PGBD5: variants seen among roughly 807,000 people sequenced by gnomAD.
PGBD5 encodes piggyBac transposable element-derived protein 5.
A neutral mutation model predicts 47.9 loss-of-function variants in PGBD5; 14 were observed. The ratio of observed to expected loss-of-function variants is 0.29; its 90% CI spans 0.19 to 0.46. The LOEUF is 0.46. PGBD5 is among the 20% of genes least tolerant of loss of function. The pLI is 1.00. For missense variants in PGBD5, 635 were observed against 716.0 expected, an observed-to-expected ratio of 0.89 and a Z score of 1.29; for synonymous variants, 316 against 306.3, an observed-to-expected ratio of 1.03 and a Z score of -0.33.
At position 230,405,441 on chromosome 1, in the gene PGBD5, A is replaced by G. The variant is rs73102046; in HGVS notation, c.331+20157T>C. Among the ~76,000 whole-genome samples, 506 of 152,326 alleles carry G rather than the reference A, an allele frequency of 3.3e-3. 6 individuals carry two copies. Among genetic ancestry groups the G allele is most frequent in the African/African-American group, 0.011 (469 of 41,564 alleles). On this transcript the variant is annotated intron_variant, in intron 1 of 6. Transcript: ENST00000391860. Reference sequence around the variant, plus strand: ...TTTCTCTTTCTTATGATTTTTCTTCATAATATTTTTTTCTCTAGCTTATTT... The same window carrying G: ...TTTCTCTTTCTTATGATTTTTCTTCGTAATATTTTTTTCTCTAGCTTATTT...
rs770968033 is a variant in PGBD5, at chr1:230,323,998, C to T, written c.1380-378G>A. On this transcript the variant is annotated intron_variant, in intron 6 of 6. Transcript: ENST00000391860. This position sits in a 1 kb window ranked among gnomAD's most constrained non-coding sequence, Gnocchi z 4.1. ...CTCTGTACGTGCTGTGCAGCTGACA[C>T]TCCCCCAAGGCCAAGCTCTTCCTCA... Among the ~76,000 whole-genome samples, 57 of 152,362 alleles carry T rather than the reference C, an allele frequency of 3.7e-4. No individual in the cohort carries two copies. The highest frequency in any genetic ancestry group is 6.5e-4 in the Non-Finnish European group (44 of 68,040).
intron 3 of PGBD5, among the ~76,000 whole-genome samples, chr1:230,342,286 C>T (rs923860577): frequency 6.6e-6 from 1 of 152,318 alleles, no homozygotes; most frequent in East Asian, 1.9e-4. Flanking sequence ...CTATACTGGT[C>T]TTGACCAATG....
At chr1:230,345,733 C>T (rs945942972) in intron 3 of PGBD5, among the ~76,000 whole-genome samples, 1 of 152,060 alleles carries the variant, frequency 6.6e-6, no homozygotes, top group African/African-American at 2.4e-5. Context: ...CCCAGTCAGC[C>T]AGGCGATCAC....
Position 230,351,055 on chromosome 1 carries a change from A to T in PGBD5, c.797T>A (p.Phe266Tyr). ...HEPLIDEDPV[F>Y]IATCTERELR... is the part of the protein sequence containing the mutation. ...CTCCCGCTCTGTGCACGTGGCAATG[A>T]ATACAGGATCCTCATCGATCAGGGG... Residue 266 changes from phenylalanine to tyrosine, a missense_variant, in exon 3 of 7, where the codon TTC becomes TAC. By Grantham distance (22) the Phe-to-Tyr change is conservative. Coordinates refer to ENST00000391860, the MANE Select transcript of PGBD5 (RefSeq NM_001258311.2). The T allele has an allele frequency of 6.2e-7, 1 of 1,613,926 alleles. No individual in the cohort carries two copies. Among genetic ancestry groups the T allele is most frequent in the East Asian group, 2.2e-5 (1 of 44,848 alleles).
intron 1 of PGBD5, among the ~76,000 whole-genome samples, chr1:230,412,223 AG>A (rs1375375053): frequency 5.3e-5 from 8 of 152,210 alleles, no homozygotes; most frequent in Non-Finnish European, 1.0e-4. Flanking sequence ...TGAACAATGC[AG>A]GGGTTAAGGG....
intron 1 of PGBD5, among the ~76,000 whole-genome samples, chr1:230,372,211 C>T (rs186477356): frequency 1.4e-3 from 219 of 152,342 alleles, no homozygotes; most frequent in Non-Finnish European, 5.3e-4. Context: ...TGCAGCTCAG[C>T]TTTCACTTTC....
At chr1:230,414,644 A>G (rs1008146932) in intron 1 of PGBD5, among the ~76,000 whole-genome samples, 1 of 152,210 alleles carries the variant, frequency 6.6e-6, no homozygotes, top group Admixed American at 6.5e-5. Flanking sequence ...AAGATGCCAC[A>G]GGCTGTGCTC....
intron 1 of PGBD5, among the ~76,000 whole-genome samples, chr1:230,369,214 G>A (rs1460321274): frequency 6.6e-6 from 1 of 152,240 alleles, no homozygotes; most frequent in Non-Finnish European, 1.5e-5. Flanking sequence ...GAGACCTGAA[G>A]ACTTCCACCC....
intron 1 of PGBD5, among the ~76,000 whole-genome samples, chr1:230,422,161 A>T (rs1054725589): frequency 2.0e-5 from 3 of 152,006 alleles, no homozygotes; most frequent in Non-Finnish European, 2.9e-5. Context: ...ATGAAGTCTA[A>T]CCTCTAATAG....
At chr1:230,389,781 G>T (rs969988308) in intron 1 of PGBD5, among the ~76,000 whole-genome samples, 2 of 152,216 alleles carry the variant, frequency 1.3e-5, no homozygotes, top group African/African-American at 4.8e-5. Context: ...TTAGCCTTAT[G>T]CCAACTGGTC....
rs1307721272 is a variant in PGBD5 at position 230,316,221 on chromosome 1, T to C, written c.*7204A>G. 1 of 152,678 alleles carries C rather than the reference T, an allele frequency of 6.5e-6. No individual in the cohort carries two copies. Among genetic ancestry groups the C allele is most frequent in the African/African-American group, 2.4e-5 (1 of 41,338 alleles). The allele number at this position is 152,678 out of a possible 1,614,324, so 9.5% of individuals were successfully genotyped here. A position where few individuals can be genotyped will look rare whatever the true frequency, so the allele number is the denominator to read the frequency against. On this transcript the variant is annotated 3_prime_UTR_variant, in exon 7 of 7. Coordinates refer to ENST00000391860, the MANE Select transcript of PGBD5 (RefSeq NM_001258311.2). ...ATACATACATATGTACACATGTGTA[T>C]ATGTGTATACGTACATATGTGTATA...
chr1:230,328,388 T>C (rs1390945577), intron 5 of PGBD5, among the ~76,000 whole-genome samples: 4 of 152,146 alleles, frequency 2.6e-5, no homozygotes, highest in Non-Finnish European at 5.9e-5. Flanking sequence ...CAGATCACCC[T>C]CCTCTCCCTA....
intron 1 of PGBD5, among the ~76,000 whole-genome samples, chr1:230,407,897 G>A (rs1459220464): frequency 6.6e-6 from 1 of 152,132 alleles, no homozygotes; most frequent in Non-Finnish European, 1.5e-5. Flanking sequence ...GTGAACCAAG[G>A]ATTTGTTCAT....
chr1:230,375,293 G>GT (rs1177555930), intron 1 of PGBD5, among the ~76,000 whole-genome samples: 1 of 152,176 alleles, frequency 6.6e-6, no homozygotes, highest in Non-Finnish European at 1.5e-5. Context: ...GTAACACAGG[G>GT]TATGGCCTGT....
intron 1 of PGBD5, among the ~76,000 whole-genome samples, chr1:230,360,596 C>T (rs552366926): frequency 6.6e-6 from 1 of 152,244 alleles, no homozygotes; most frequent in South Asian, 2.1e-4. Flanking sequence ...CTGGCATTTC[C>T]CCTGCTTGCA....
At chr1:230,378,202 T>C (rs974049303) in intron 1 of PGBD5, among the ~76,000 whole-genome samples, 6 of 152,262 alleles carry the variant, frequency 3.9e-5, no homozygotes, top group Non-Finnish European at 5.9e-5. Flanking sequence ...ACTGCTTCTA[T>C]GCCCACCTTC....
chr1:230,350,808 C>T (rs1192957067), intron 3 of PGBD5, 150 bp downstream of exon 3: 1 of 1,167,728 alleles, frequency 8.6e-7, no homozygotes, highest in Non-Finnish European at 1.2e-6. Flanking sequence ...CAGCCCAGCC[C>T]TGGCCTCCGC....
intron 1 of PGBD5, among the ~76,000 whole-genome samples, chr1:230,403,962 G>C (rs11586796): frequency 0.21 from 32,125 of 150,872 alleles, 3,899 homozygotes; most frequent in Admixed American, 0.37. Flanking sequence ...TACAGAGGAG[G>C]AAAAAAAAAG....
rs199828780 is a variant in PGBD5 at position 230,397,434 on chromosome 1, T to C, written c.331+28164A>G. Among the ~76,000 whole-genome samples, 14 of 152,384 alleles carry C rather than the reference T, an allele frequency of 9.2e-5. 1 individual carries two copies. The East Asian group carries it at 2.7e-3, about 29-fold the overall frequency. ...CAATACAGAATCAAGATTTGCTCGT[T>C]TCCTTAAATCTACCCAGTCTTCTAA... On this transcript the variant is annotated intron_variant, in intron 1 of 6. Coordinates refer to ENST00000391860, the MANE Select transcript of PGBD5 (RefSeq NM_001258311.2).
Sources: gnomAD v4.1 joint callset for allele counts (sites outside exome capture counted in the v4.1 genomes callset) on GRCh38, gnomAD v4.1.1 for gene constraint, Gnocchi (gnomAD v3.1) non-coding constraint, MANE v1.5 for transcripts, NCBI Gene and HGNC (gene_info 2026-07-23, HGNC 2026-07-21) for gene names.